Variants in EVL observed in about 807,000 individuals in gnomAD.
The protein encoded by EVL is ena/VASP-like protein.
A neutral mutation model predicts 59.6 loss-of-function variants in EVL; 21 were observed. The ratio of observed to expected loss-of-function variants is 0.35; its 90% CI spans 0.25 to 0.51. The LOEUF is 0.51. Ranked by LOEUF, EVL falls within the 20% of genes least tolerant of loss-of-function variation. The probability of loss-of-function intolerance (pLI) is 0.97; values close to 1 mark genes in which losing one functional copy is unlikely to be tolerated. For synonymous variants in EVL, 198 were observed against 203.5 expected, an observed-to-expected ratio of 0.97 and a Z score of 0.23; for missense variants, 462 against 546.6, an observed-to-expected ratio of 0.85 and a Z score of 1.54.
chr14:100,035,722 G>T (rs2061379518), intron 1 of EVL, among the ~76,000 whole-genome samples: 1 of 152,176 alleles, frequency 6.6e-6, no homozygotes, highest in African/African-American at 2.4e-5. Context: ...ACACCTATTT[G>T]TCTGCTAGGA....
At chr14:100,033,971 A>T (rs893403190) in intron 1 of EVL, among the ~76,000 whole-genome samples, 1 of 151,874 alleles carries the variant, frequency 6.6e-6, no homozygotes, top group Non-Finnish European at 1.5e-5. Flanking sequence ...CATGTCTGTA[A>T]TCCCAGAACT....
chr14:100,116,653 G>A (rs996455130), intron 3 of EVL, among the ~76,000 whole-genome samples: 3 of 152,160 alleles, frequency 2.0e-5, no homozygotes, highest in African/African-American at 7.2e-5. Context: ...CCTACCCCGC[G>A]CCCACCATAC....
intron 1 of EVL, among the ~76,000 whole-genome samples, chr14:100,038,352 TC>T (rs976567325): frequency 1.3e-5 from 2 of 152,200 alleles, no homozygotes; most frequent in African/African-American, 4.8e-5. Context: ...TGGACAAACT[TC>T]CCAGCTCTGT....
At chr14:100,089,634 A>G (rs1052226723) in intron 2 of EVL, among the ~76,000 whole-genome samples, 2 of 152,366 alleles carry the variant, frequency 1.3e-5, no homozygotes, top group Admixed American at 6.5e-5. Flanking sequence ...AGAACAGTAC[A>G]TATGAGCCAG....
chr14:100,063,720 C>T (rs963311357), upstream of EVL, among the ~76,000 whole-genome samples: 7 of 152,188 alleles, frequency 4.6e-5, no homozygotes, highest in Admixed American at 2.0e-4. Flanking sequence ...ACCTAATTGA[C>T]ATTCTAGAAC....
intron 1 of EVL, among the ~76,000 whole-genome samples, chr14:100,076,363 C>G (rs2062161019): frequency 1.3e-5 from 2 of 152,180 alleles, no homozygotes; most frequent in South Asian, 4.1e-4. Context: ...TCTTGGACCT[C>G]TAGAGGGCAA....
intron 1 of EVL, among the ~76,000 whole-genome samples, chr14:100,030,094 CTT>C (rs57192659): frequency 1.9e-4 from 26 of 139,930 alleles, no homozygotes; most frequent in Non-Finnish European, 2.0e-4. Flanking sequence ...ATGAGATTAC[CTT>C]TTTTTTTTTT....
At chr14:100,116,395 G>C (rs1334313122) in intron 3 of EVL, among the ~76,000 whole-genome samples, 1 of 152,310 alleles carries the variant, frequency 6.6e-6, no homozygotes, top group African/African-American at 2.4e-5. Context: ...TGGCACCCCT[G>C]ACATCTCCGG....
chr14:100,092,443 A>G (rs1196051432), intron 2 of EVL, among the ~76,000 whole-genome samples: 2 of 152,186 alleles, frequency 1.3e-5, no homozygotes, highest in East Asian at 1.9e-4. Flanking sequence ...GTAGCAGTCA[A>G]TAAGAATTCA....
At chr14:100,074,437 C>T (rs2062118019) in intron 1 of EVL, 1 of 152,180 alleles carries the variant, frequency 6.6e-6, no homozygotes, top group South Asian at 2.1e-4. Flanking sequence ...TTTATTTCAT[C>T]AGCCTTATTT....
intron 1 of EVL, among the ~76,000 whole-genome samples, chr14:100,054,049 CTTTTTTTT>C (rs11302582): frequency 9.8e-5 from 6 of 61,240 alleles, no homozygotes; most frequent in South Asian, 7.3e-4. Context: ...TATTTTTGGA[CTTTTTTTT>C]TTTTTTTTTT....
exon 1 of EVL, chr14:99,971,728 C>T (rs921561896): frequency 6.8e-6 from 1 of 148,110 alleles, no homozygotes; most frequent in Non-Finnish European, 1.5e-5. Context: ...GGACCCCAGC[C>T]GGCTCGCCCC....
At chr14:100,010,886 G>A (rs958241481) in intron 1 of EVL, among the ~76,000 whole-genome samples, 8 of 152,174 alleles carry the variant, frequency 5.3e-5, no homozygotes, top group Admixed American at 2.6e-4. Context: ...CAAATGTTCC[G>A]TTTTTCATCT....
At chr14:100,103,836 T>A (rs1279405900) in intron 3 of EVL, among the ~76,000 whole-genome samples, 1 of 152,186 alleles carries the variant, frequency 6.6e-6, no homozygotes, top group South Asian at 2.1e-4. Flanking sequence ...TGTTGAGTGT[T>A]GAGTGCATAG....
At position 100,135,856 on chromosome 14, in the gene EVL, CT is replaced by C. The variant is rs752874148; in HGVS notation, c.901-48del. On this transcript the variant is annotated intron_variant, in intron 8 of 13. Transcript: ENST00000392920. ...ATGAAGTGTCCAATGATGTCCTGCC[CT>C]GGCCCCAGGTGGCCTTCCTAAACAG... 9.0e-5 allele frequency: 141 copies of C among 1,575,314 alleles called. 1 individual carries two copies. Among genetic ancestry groups the C allele is most frequent in the Middle Eastern group, 5.0e-4 (3 of 6,016 alleles).
chr14:100,052,003 G>C (rs933713076), intron 1 of EVL, among the ~76,000 whole-genome samples: 1 of 152,130 alleles, frequency 6.6e-6, no homozygotes, highest in East Asian at 1.9e-4. Context: ...TTGAAAACTC[G>C]TTGGCCCTAA....
chr14:100,132,323 C>T (rs973287875), intron 7 of EVL, among the ~76,000 whole-genome samples: 1 of 151,464 alleles, frequency 6.6e-6, no homozygotes, highest in African/African-American at 2.4e-5. Context: ...TCCAGTGTCC[C>T]GACCTGTGGG....
chr14:100,035,508 G>A (rs1471135335), intron 1 of EVL, among the ~76,000 whole-genome samples: 4 of 151,832 alleles, frequency 2.6e-5, no homozygotes, highest in South Asian at 4.2e-4. Context: ...GAAGAGAAAT[G>A]TGCTGCCGTT....
At chr14:99,993,685 C>CTTTTTTTTTTTTTTTTTTTT (rs532512303) in intron 1 of EVL, among the ~76,000 whole-genome samples, 16 of 78,310 alleles carry the variant, frequency 2.0e-4, no homozygotes, top group African/African-American at 6.7e-4. Flanking sequence ...TTCTTTCTTT[C>CTTTTTTTTTTTTTTTTTTTT]TTTTTTTTTT....
Sources: gnomAD v4.1 joint callset for allele counts (sites outside exome capture counted in the v4.1 genomes callset) on GRCh38, gnomAD v4.1.1 for gene constraint, MANE v1.5 for transcripts, NCBI Gene and HGNC (gene_info 2026-07-23, HGNC 2026-07-21) for gene names.